ENOX1: variants seen among roughly 807,000 people sequenced by gnomAD.
The protein encoded by ENOX1 is ecto-NOX disulfide-thiol exchanger 1, also known as candidate growth-related and time keeping constitutive hydroquinone (NADH) oxidase.
In ENOX1, 42 loss-of-function variants were observed where a neutral mutation model predicts 82.5. The ratio of observed to expected loss-of-function variants is 0.51; its 90% CI spans 0.40 to 0.66. The LOEUF is 0.66. Ranked by LOEUF, ENOX1 falls within the 30% of genes least tolerant of loss-of-function variation. The pLI is 0.00. For synonymous variants in ENOX1, 271 were observed against 282.2 expected, an observed-to-expected ratio of 0.96 and a Z score of 0.40; for missense variants, 608 against 811.6, an observed-to-expected ratio of 0.75 and a Z score of 3.05.
intron 11 of ENOX1, among the ~76,000 whole-genome samples, chr13:43,304,966 C>T (rs2046778928): frequency 7.8e-5 from 1 of 12,778 alleles, no homozygotes; most frequent in South Asian, 0.12. Context: ...GACAGAAACT[C>T]CTCTGCGTTA....
intron 1 of ENOX1, among the ~76,000 whole-genome samples, chr13:43,706,725 C>G (rs2087318772): frequency 1.5e-5 from 2 of 135,040 alleles, no homozygotes; most frequent in South Asian, 4.9e-4. Flanking sequence ...AAAAAAAAAA[C>G]AAGCTCCTAG....
intron 2 of ENOX1, among the ~76,000 whole-genome samples, chr13:43,604,352 G>A (rs1236378094): frequency 6.6e-6 from 1 of 152,032 alleles, no homozygotes; most frequent in Admixed American, 6.6e-5. Context: ...CACTCTGATG[G>A]TAGTATTGAA....
At chr13:43,537,565 C>A (rs1049457693) in intron 2 of ENOX1, among the ~76,000 whole-genome samples, 2 of 152,156 alleles carry the variant, frequency 1.3e-5, no homozygotes, top group Non-Finnish European at 2.9e-5. Flanking sequence ...ATGATGACTG[C>A]GATAATAGCT....
chr13:43,606,628 C>T (rs73184116), intron 2 of ENOX1, among the ~76,000 whole-genome samples: 15,200 of 151,940 alleles, frequency 0.1, 781 homozygotes, highest in Admixed American at 0.12. Context: ...GAGAGTAGAA[C>T]AATGATCACC....
chr13:43,521,618 G>T (rs540594411), intron 2 of ENOX1, among the ~76,000 whole-genome samples: 1 of 152,254 alleles, frequency 6.6e-6, no homozygotes, highest in South Asian at 2.1e-4. Flanking sequence ...CCCCTAAAAA[G>T]TAAGAGATAT....
intron 1 of ENOX1, among the ~76,000 whole-genome samples, chr13:43,765,359 C>T (rs144818348): frequency 1.3e-3 from 198 of 152,258 alleles, no homozygotes; most frequent in African/African-American, 4.1e-3. Context: ...CCACTTAATA[C>T]TATGCTCCCT....
intron 1 of ENOX1, among the ~76,000 whole-genome samples, chr13:43,785,076 A>G (rs759782841): frequency 6.6e-6 from 1 of 152,236 alleles, no homozygotes; most frequent in Non-Finnish European, 1.5e-5. Context: ...GAGGGCTTTC[A>G]CTTTTTCAAA....
intron 2 of ENOX1, among the ~76,000 whole-genome samples, chr13:43,667,245 T>C (rs974053188): frequency 6.6e-6 from 1 of 152,210 alleles, no homozygotes; most frequent in Non-Finnish European, 1.5e-5. Flanking sequence ...AGATTTCAAG[T>C]GACCAGTCCT....
chr13:43,471,805 G>A (rs1168216609), intron 3 of ENOX1, among the ~76,000 whole-genome samples: 105 of 77,046 alleles, frequency 1.4e-3, no homozygotes, highest in Non-Finnish European at 4.2e-4. Flanking sequence ...GCGAGACTCC[G>A]TCTCAAAAAA....
chr13:43,511,081 T>G (rs1218812542), intron 2 of ENOX1, among the ~76,000 whole-genome samples: 2 of 152,138 alleles, frequency 1.3e-5, no homozygotes, highest in Middle Eastern at 3.2e-3. Flanking sequence ...CATATTTAGT[T>G]CCTTAAAGAG....
chr13:43,355,814 C>T (rs2153556529), intron 8 of ENOX1, 105 bp downstream of exon 8: 1 of 1,132,318 alleles, frequency 8.8e-7, no homozygotes, highest in East Asian at 2.4e-5. Flanking sequence ...TAAGGCATAG[C>T]AGACATTGTG....
intron 14 of ENOX1, among the ~76,000 whole-genome samples, chr13:43,254,693 T>TA (rs892408480): frequency 1.3e-4 from 20 of 152,230 alleles, no homozygotes; most frequent in African/African-American, 3.6e-4. Context: ...AGGCAGTCAT[T>TA]AAAAATCACA....
In ENOX1 at chr13:43,691,857, C is replaced by T. The variant is rs184693770; in HGVS notation, c.-284-24313G>A. On this transcript the variant is annotated intron_variant, in intron 1 of 16. Transcript: ENST00000690772. ...CTGGGACTATAGGCACGTGCCACCA[C>T]GCCTGGCTAATTTTTTGTATTTTTA... Among the ~76,000 whole-genome samples, 48 of 152,120 alleles carry T rather than the reference C, an allele frequency of 3.2e-4. 2 individuals carry two copies. The East Asian group carries it at 8.7e-3, about 28-fold the overall frequency.
intron 2 of ENOX1, among the ~76,000 whole-genome samples, chr13:43,605,465 A>G (rs2081937812): frequency 6.6e-6 from 1 of 152,192 alleles, no homozygotes. Flanking sequence ...ACAGACACAT[A>G]CACCAACAGA....
intron 2 of ENOX1, among the ~76,000 whole-genome samples, chr13:43,646,250 A>T (rs532735975): frequency 5.5e-4 from 84 of 152,344 alleles, no homozygotes; most frequent in African/African-American, 1.9e-3. Context: ...TTCTGCGAGC[A>T]TGTATGAATC....
chr13:43,269,207 C>T (rs764102194), intron 13 of ENOX1, among the ~76,000 whole-genome samples: 5 of 152,114 alleles, frequency 3.3e-5, no homozygotes, highest in East Asian at 1.9e-4. Flanking sequence ...GAAACTTTAT[C>T]GAAATTTGAT....
intron 14 of ENOX1, among the ~76,000 whole-genome samples, chr13:43,259,513 G>C (rs893651923): frequency 3.1e-4 from 47 of 152,328 alleles, no homozygotes; most frequent in African/African-American, 1.0e-3. Context: ...CTGTAGCCCA[G>C]GCTGGAGTGC....
intron 1 of ENOX1, among the ~76,000 whole-genome samples, chr13:43,778,329 A>G (rs1026396230): frequency 6.6e-6 from 1 of 152,150 alleles, no homozygotes; most frequent in African/African-American, 2.4e-5. Context: ...TTACCCCTTT[A>G]TCCCCTTTGG....
intron 1 of ENOX1, among the ~76,000 whole-genome samples, chr13:43,693,488 T>C (rs1264816451): frequency 6.6e-6 from 1 of 152,200 alleles, no homozygotes; most frequent in Non-Finnish European, 1.5e-5. Context: ...ACACTATAGT[T>C]TTCCTTTTCT....
Sources: allele counts gnomAD v4.1 joint callset (sites outside exome capture counted in the v4.1 genomes callset), GRCh38; gene constraint gnomAD v4.1.1; transcripts MANE v1.5; gene names NCBI Gene and HGNC (gene_info 2026-07-23, HGNC 2026-07-21).